Variants in ROBO2 observed in about 807,000 individuals in gnomAD.
ROBO2 encodes roundabout homolog 2.
A neutral mutation model predicts 160.8 loss-of-function variants in ROBO2; 53 were observed. The ratio of observed to expected loss-of-function variants is 0.33; its 90% confidence interval spans 0.26 to 0.41. The LOEUF is 0.41. Ranked by LOEUF, ROBO2 falls within the 10% of genes least tolerant of loss-of-function variation. The pLI, the probability that ROBO2 is intolerant of heterozygous loss-of-function variation, is 1.00. For synonymous variants in ROBO2, 664 were observed against 611.7 expected (o/e 1.09, Z -1.26); for missense variants, 1,577 against 1,722.4 (o/e 0.92, Z 1.49).
At chr3:77,163,353 C>T (rs973270387) in intron 2 of ROBO2, among the ~76,000 whole-genome samples, 1 of 152,140 alleles carries the variant, frequency 6.6e-6, no homozygotes, top group Admixed American at 6.5e-5. Flanking sequence ...ATAAATCATT[C>T]AGAAATTTCT....
At chr3:77,001,417 T>G (rs1228085563) in intron 2 of ROBO2, among the ~76,000 whole-genome samples, 1 of 152,142 alleles carries the variant, frequency 6.6e-6, no homozygotes, top group Non-Finnish European at 1.5e-5. Flanking sequence ...GTATTAAAAA[T>G]AGTTGTGAGT....
chr3:75,927,976 CTTTTTTT>C (rs71101865), intron 1 of ROBO2, among the ~76,000 whole-genome samples: 32 of 103,998 alleles, frequency 3.1e-4, no homozygotes, highest in Non-Finnish European at 5.3e-4. Context: ...GATTTTCTCT[CTTTTTTT>C]TTTTTTTTTT....
At chr3:76,900,494 C>G (rs566714984) in intron 2 of ROBO2, among the ~76,000 whole-genome samples, 46 of 152,222 alleles carry the variant, frequency 3.0e-4, no homozygotes, top group Non-Finnish European at 5.3e-4. Flanking sequence ...TGCATAAATC[C>G]TGGATTATCA....
At chr3:76,004,442 G>A (rs2065967288) in intron 2 of ROBO2, among the ~76,000 whole-genome samples, 1 of 152,130 alleles carries the variant, frequency 6.6e-6, no homozygotes, top group African/African-American at 2.4e-5. Context: ...TGCTGTAACA[G>A]AATATCATAG....
At chr3:77,450,221 T>C (rs6793923) in intron 2 of ROBO2, among the ~76,000 whole-genome samples, 23,503 of 152,126 alleles carry the variant, frequency 0.15, 2,146 homozygotes, top group East Asian at 0.38. Flanking sequence ...ATATTCAAAC[T>C]TACTTTTTTT....
intron 2 of ROBO2, among the ~76,000 whole-genome samples, chr3:76,023,195 T>A (rs2107671267): frequency 6.6e-6 from 1 of 151,846 alleles, no homozygotes; most frequent in African/African-American, 2.4e-5. Context: ...TAAAACATTC[T>A]TCATATCAGC....
intron 2 of ROBO2, among the ~76,000 whole-genome samples, chr3:76,839,072 T>C (rs1468737984): frequency 6.6e-6 from 1 of 152,092 alleles, no homozygotes; most frequent in Non-Finnish European, 1.5e-5. Context: ...ACCCTTCACA[T>C]TTACAAGGCA....
intron 2 of ROBO2, among the ~76,000 whole-genome samples, chr3:77,321,298 C>T (rs983698087): frequency 6.6e-6 from 1 of 152,082 alleles, no homozygotes; most frequent in African/African-American, 2.4e-5. Context: ...GGGAGGATTA[C>T]TTGAGCCTGG....
intron 6 of ROBO2, among the ~76,000 whole-genome samples, chr3:77,540,588 G>A (rs191595625): frequency 6.6e-6 from 1 of 152,098 alleles, no homozygotes; most frequent in Non-Finnish European, 1.5e-5. Flanking sequence ...GGGCGCGCAG[G>A]GGGAGGGAGA....
At chr3:76,567,652 TACAC>T (rs747034303) in intron 2 of ROBO2, among the ~76,000 whole-genome samples, 255 of 63,710 alleles carry the variant, frequency 4.0e-3, no homozygotes, top group Middle Eastern at 0.01. Context: ...TATATATATA[TACAC>T]ATACACATAT....
At chr3:76,642,493 C>T (rs140324859) in intron 2 of ROBO2, among the ~76,000 whole-genome samples, 4,775 of 151,948 alleles carry the variant, frequency 0.031, 86 homozygotes, top group Middle Eastern at 0.071. Context: ...CCTGGGATTA[C>T]AGGCATGCGC....
chr3:76,566,974 T>C (rs1442647380), intron 2 of ROBO2, among the ~76,000 whole-genome samples: 1 of 152,146 alleles, frequency 6.6e-6, no homozygotes, highest in Non-Finnish European at 1.5e-5. Flanking sequence ...TTAAAATAAA[T>C]TTATTAAAGC....
intron 2 of ROBO2, among the ~76,000 whole-genome samples, chr3:76,157,321 G>A (rs1459299311): frequency 6.6e-6 from 1 of 152,048 alleles, no homozygotes; most frequent in African/African-American, 2.4e-5. Flanking sequence ...TGGGGTGGGG[G>A]CACCTAAGAG....
At chr3:76,798,847 C>T (rs563484981) in intron 2 of ROBO2, among the ~76,000 whole-genome samples, 32 of 152,070 alleles carry the variant, frequency 2.1e-4, no homozygotes, top group Non-Finnish European at 3.7e-4. Context: ...GAATCATGAT[C>T]ATGCCACTAC....
chr3:77,496,311 T>C (rs2086772452), intron 5 of ROBO2, among the ~76,000 whole-genome samples: 1 of 152,190 alleles, frequency 6.6e-6, no homozygotes, highest in Non-Finnish European at 1.5e-5. Context: ...CAGTATTTCA[T>C]CATGAAAGAA....
intron 2 of ROBO2, among the ~76,000 whole-genome samples, chr3:76,374,907 T>C (rs184104012): frequency 6.6e-6 from 1 of 152,006 alleles, no homozygotes; most frequent in Admixed American, 6.6e-5. Flanking sequence ...TTTAGCATTC[T>C]TTTATCAGTG....
At chr3:76,473,777 A>G (rs1215412588) in intron 2 of ROBO2, among the ~76,000 whole-genome samples, 1 of 152,164 alleles carries the variant, frequency 6.6e-6, no homozygotes, top group African/African-American at 2.4e-5. Flanking sequence ...AAAGAATGAG[A>G]CATTGAAGAA....
chr3:77,129,203 A>G (rs1160785701), intron 2 of ROBO2, among the ~76,000 whole-genome samples: 2 of 151,916 alleles, frequency 1.3e-5, no homozygotes, highest in Non-Finnish European at 2.9e-5. Context: ...ATTAATGTTT[A>G]CTTGTCAAGT....
chr3:76,508,522 A>G (rs2080911359), intron 2 of ROBO2, among the ~76,000 whole-genome samples: 1 of 152,180 alleles, frequency 6.6e-6, no homozygotes, highest in Non-Finnish European at 1.5e-5. Flanking sequence ...ATGAAAAATT[A>G]TTAAGAATGT....
Sources: allele counts gnomAD v4.1 joint callset (sites outside exome capture counted in the v4.1 genomes callset), GRCh38; gene constraint gnomAD v4.1.1; transcripts MANE v1.5; gene names NCBI Gene and HGNC (gene_info 2026-07-23, HGNC 2026-07-21).